TPD52: variants seen among roughly 807,000 people sequenced by gnomAD.
The protein encoded by TPD52 is prostate and colon associated protein.
Under a neutral mutation model 31.3 loss-of-function variants are expected in TPD52, and 17 were observed. The observed-to-expected ratio is 0.54, with a 90% CI of 0.37 to 0.82. TPD52 has a LOEUF of 0.82. Ranked by LOEUF, TPD52 falls within the 40% of genes least tolerant of loss-of-function variation. The pLI, the probability that TPD52 is intolerant of heterozygous loss-of-function variation, is 0.00. For missense variants in TPD52, 212 were observed against 240.1 expected (o/e 0.88, Z 0.77); for synonymous variants, 83 against 89.6 (o/e 0.93, Z 0.42).
In TPD52 at chr8:80,085,260, C is replaced by T. The variant is rs555293178; in HGVS notation, c.20-20667G>A. 1.4e-4 allele frequency among the ~76,000 whole-genome samples: 22 copies of T among 152,290 alleles called. No individual in the cohort carries two copies. The South Asian group carries it at 3.9e-3, about 27-fold the overall frequency. ...TCAACTAGGTGCAGCCAGTAAAGTG[C>T]GTATGTACTGCAGGGTAATAACCGG... On this transcript the variant is annotated intron_variant, in intron 1 of 7. Transcript: ENST00000518937.
intron 1 of TPD52, among the ~76,000 whole-genome samples, chr8:80,089,113 C>T (rs1278330711): frequency 1.3e-5 from 2 of 152,196 alleles, no homozygotes; most frequent in African/African-American, 4.8e-5. Context: ...ATTGTTCAAA[C>T]CACCTATTCT....
intron 1 of TPD52, among the ~76,000 whole-genome samples, chr8:80,110,873 T>C (rs1287549701): frequency 1.3e-5 from 2 of 152,208 alleles, no homozygotes; most frequent in Non-Finnish European, 2.9e-5. Context: ...GACACTCCCT[T>C]GTGGTCTGCT....
chr8:80,065,841 C>T (rs1400710920), intron 1 of TPD52, among the ~76,000 whole-genome samples: 1 of 151,384 alleles, frequency 6.6e-6, no homozygotes, highest in African/African-American at 2.4e-5. Context: ...GACGACTAAG[C>T]TTTTTGTCAC....
chr8:80,126,952 T>G (rs112825858), intron 1 of TPD52, among the ~76,000 whole-genome samples: 2,058 of 152,072 alleles, frequency 0.014, 21 homozygotes, highest in Middle Eastern at 0.02. Flanking sequence ...TACAAAAAAA[T>G]TTTTTAAACA....
At chr8:80,124,776 T>C (rs1035937955) in intron 1 of TPD52, among the ~76,000 whole-genome samples, 4 of 152,188 alleles carry the variant, frequency 2.6e-5, no homozygotes, top group African/African-American at 9.7e-5. Context: ...TTAGCACGTA[T>C]TCTGATCCCA....
chr8:80,133,962 T>C (rs779074948), intron 1 of TPD52, among the ~76,000 whole-genome samples: 6 of 152,136 alleles, frequency 3.9e-5, no homozygotes, highest in Non-Finnish European at 8.8e-5. Context: ...ACGGTTGAAA[T>C]TCAGATCAGA....
rs563395408 is a variant in TPD52, at chr8:80,101,681, G to A, written c.20-37088C>T. On this transcript the variant is annotated intron_variant, in intron 1 of 7. Transcript: ENST00000518937. ...AGGGAAGGCAGGCGCATCACATGGT[G>A]AGAGAAGGAACAAGAGAGGGACCAG... Among the ~76,000 whole-genome samples, 43 of 152,256 alleles carry A rather than the reference G, an allele frequency of 2.8e-4. No individual in the cohort carries two copies. In the South Asian group the frequency reaches 8.7e-3, roughly 31 times the overall value.
At chr8:80,139,178 G>C (rs1809642657) in intron 1 of TPD52, among the ~76,000 whole-genome samples, 1 of 152,190 alleles carries the variant, frequency 6.6e-6, no homozygotes, top group Admixed American at 6.5e-5. Context: ...CTAAGACACT[G>C]GCAGGGAGGG....
At chr8:80,079,239 G>A (rs1449961164) in intron 1 of TPD52, among the ~76,000 whole-genome samples, 2 of 152,206 alleles carry the variant, frequency 1.3e-5, no homozygotes, top group Admixed American at 1.3e-4. Flanking sequence ...GGTCAGCACT[G>A]GAGAAAGTTT....
intron 4 of TPD52, chr8:80,051,205 C>T (rs1811349416): frequency 2.7e-6 from 1 of 375,338 alleles, no homozygotes; most frequent in Non-Finnish European, 4.9e-6. Flanking sequence ...TAGTAACACA[C>T]CAGGCTCTGC....
chr8:80,080,969 C>A (rs544539677), intron 1 of TPD52: 81 of 162,236 alleles, frequency 5.0e-4, no homozygotes, highest in African/African-American at 1.9e-3. Flanking sequence ...CAAATGCCAT[C>A]TGAGTGATAC....
intron 1 of TPD52, among the ~76,000 whole-genome samples, chr8:80,161,862 T>C (rs1032849782): frequency 2.6e-5 from 4 of 151,994 alleles, no homozygotes; most frequent in Middle Eastern, 3.4e-3. Context: ...CCTGAGTAGC[T>C]GGGACTACAG....
chr8:80,115,409 G>A (rs1045000442), intron 1 of TPD52, among the ~76,000 whole-genome samples: 2 of 152,302 alleles, frequency 1.3e-5, no homozygotes, highest in Middle Eastern at 3.4e-3. Context: ...GAGAGATGAC[G>A]AAAAGCAGAG....
chr8:80,114,243 A>C (rs550303611), intron 1 of TPD52, among the ~76,000 whole-genome samples: 1 of 152,290 alleles, frequency 6.6e-6, no homozygotes, highest in African/African-American at 2.4e-5. Context: ...CATCTCAAAA[A>C]ATAAAATAAA....
intron 1 of TPD52, among the ~76,000 whole-genome samples, chr8:80,159,616 A>AC (rs1811217033): frequency 6.6e-6 from 1 of 152,328 alleles, no homozygotes; most frequent in South Asian, 2.1e-4. Flanking sequence ...ACGTAGGGAT[A>AC]CTGTTAGCAT....
chr8:80,042,750 C>T (rs1015480865), intron 6 of TPD52, 82 bp from the exon 7 acceptor site: 2 of 1,275,158 alleles, frequency 1.6e-6, no homozygotes, highest in Admixed American at 1.9e-5. Context: ...ATTGATTCCT[C>T]TTCAACATTA....
In TPD52 at chr8:80,053,470, C is replaced by T. The variant is rs200395841; in HGVS notation, c.136-40G>A. On this transcript the variant is annotated intron_variant, in intron 2 of 7. Transcript: ENST00000518937. ...TTTGGGGTAAGAATATAGCAAAAGT[C>T]ATTCAGTAAGTTAAGATTATTACCA... is the stretch of plus-strand genomic sequence containing the variant. 1,006 of 1,592,540 alleles carry T rather than the reference C, an allele frequency of 6.3e-4. 1 individual carries two copies. Among genetic ancestry groups the T allele is most frequent in the Non-Finnish European group, 7.8e-4 (912 of 1,168,976 alleles).
chr8:80,159,740 A>T (rs1314926182), intron 1 of TPD52, among the ~76,000 whole-genome samples: 1 of 152,248 alleles, frequency 6.6e-6, no homozygotes, highest in African/African-American at 2.4e-5. Flanking sequence ...CAGTAGTTGT[A>T]TTACTAAAAA....
chr8:80,129,703 C>CTTTTTTTT (rs5892709), intron 1 of TPD52, among the ~76,000 whole-genome samples: 1 of 130,078 alleles, frequency 7.7e-6, no homozygotes. Context: ...ACTCTCATTT[C>CTTTTTTTT]TTTTTTTTTT....
Sources: allele counts gnomAD v4.1 joint callset (sites outside exome capture counted in the v4.1 genomes callset), GRCh38; gene constraint gnomAD v4.1.1; transcripts MANE v1.5; gene names NCBI Gene and HGNC (gene_info 2026-07-23, HGNC 2026-07-21).